PDE1A: variants seen among roughly 807,000 people sequenced by gnomAD.
PDE1A encodes dual specificity calcium/calmodulin-dependent 3',5'-cyclic nucleotide phosphodiesterase 1A.
In PDE1A, 35 loss-of-function variants were observed where a neutral mutation model predicts 61.7. The ratio of observed to expected loss-of-function variants is 0.57; its 90% CI spans 0.43 to 0.75. PDE1A has a LOEUF of 0.75. Among genes scored for constraint, PDE1A ranks in the 30% least tolerant of loss-of-function variants. The probability of loss-of-function intolerance (pLI) is 0.00; values close to 1 mark genes in which losing one functional copy is unlikely to be tolerated. For missense variants in PDE1A, 597 were observed against 630.6 expected (o/e 0.95, Z 0.57); for synonymous variants, 232 against 213.2 (o/e 1.09, Z -0.77).
chr2:182,701,440 G>C, the PDE1A span, among the ~76,000 whole-genome samples: 3 of 147,732 alleles, frequency 2.0e-5, no homozygotes, highest in Non-Finnish European at 4.5e-5. Flanking sequence ...GAGTGCAGTG[G>C]TGCCATCTCA....
intron 2 of PDE1A, among the ~76,000 whole-genome samples, chr2:182,519,203 T>A (rs1690403105): frequency 6.6e-6 from 1 of 152,084 alleles, no homozygotes; most frequent in African/African-American, 2.4e-5. Flanking sequence ...AATCAGAAAT[T>A]TCATTTGGTG....
chr2:182,254,879 A>G (rs760823234), intron 2 of PDE1A, among the ~76,000 whole-genome samples: 1 of 152,194 alleles, frequency 6.6e-6, no homozygotes, highest in Non-Finnish European at 1.5e-5. Flanking sequence ...ACTTAAATAG[A>G]GTTGACCACC....
At chr2:182,461,314 T>C (rs958161824) in intron 2 of PDE1A, among the ~76,000 whole-genome samples, 2 of 152,128 alleles carry the variant, frequency 1.3e-5, no homozygotes, top group Non-Finnish European at 2.9e-5. Context: ...TTGAATACTG[T>C]CAACTAAATT....
At chr2:182,221,853 G>A (rs1214898349) in intron 7 of PDE1A, among the ~76,000 whole-genome samples, 6 of 151,936 alleles carry the variant, frequency 3.9e-5, no homozygotes, top group African/African-American at 9.7e-5. Flanking sequence ...ATATAGACAG[G>A]TCACTCTACC....
chr2:182,476,014 C>T (rs1266590255), intron 2 of PDE1A, among the ~76,000 whole-genome samples: 3 of 151,726 alleles, frequency 2.0e-5, no homozygotes, highest in Non-Finnish European at 4.4e-5. Flanking sequence ...TAAATTTTTT[C>T]TCCAAAAGAA....
chr2:182,144,262 C>G (rs564469113), downstream of PDE1A, among the ~76,000 whole-genome samples: 1 of 152,094 alleles, frequency 6.6e-6, no homozygotes, highest in African/African-American at 2.4e-5. Context: ...TTTGGAAATG[C>G]CAGAAATTCC....
chr2:182,187,291 T>C, intron 11 of PDE1A, among the ~76,000 whole-genome samples: 1 of 152,188 alleles, frequency 6.6e-6, no homozygotes, highest in Non-Finnish European at 1.5e-5. Context: ...CTCATCAAGA[T>C]AGAAAATGAC....
At chr2:182,255,654 CTTTT>C (rs1342789385) in intron 2 of PDE1A, among the ~76,000 whole-genome samples, 1 of 143,862 alleles carries the variant, frequency 7.0e-6, no homozygotes. Flanking sequence ...TTCTTTCTTT[CTTTT>C]CTTTTTTTTT....
intron 1 of PDE1A, among the ~76,000 whole-genome samples, chr2:182,327,771 C>T (rs995602639): frequency 3.3e-5 from 5 of 152,138 alleles, no homozygotes. Context: ...GCAGACAACA[C>T]ATTAGGACTT....
At chr2:182,691,074 G>A in the PDE1A span, among the ~76,000 whole-genome samples, 7 of 152,186 alleles carry the variant, frequency 4.6e-5, no homozygotes, top group African/African-American at 7.2e-5. Context: ...TGGGTAGGAA[G>A]ACTCAATATT....
chr2:182,394,399 C>G (rs1228324884), intron 1 of PDE1A, among the ~76,000 whole-genome samples: 1 of 152,112 alleles, frequency 6.6e-6, no homozygotes, highest in Admixed American at 6.5e-5. Context: ...GAAATTCCCA[C>G]CCCCATGATT....
At chr2:182,498,929 C>T (rs904251315) in intron 2 of PDE1A, among the ~76,000 whole-genome samples, 3 of 151,614 alleles carry the variant, frequency 2.0e-5, no homozygotes, top group Non-Finnish European at 4.4e-5. Context: ...GGCGACAGAG[C>T]GAGACTCCAT....
chr2:182,507,152 G>T (rs1350735985), intron 2 of PDE1A, among the ~76,000 whole-genome samples: 1 of 151,668 alleles, frequency 6.6e-6, no homozygotes, highest in African/African-American at 2.4e-5. Flanking sequence ...TTAGTTCAAA[G>T]AAATAAATGA....
chr2:182,527,468 G>A (rs1437904212), upstream of PDE1A, among the ~76,000 whole-genome samples: 1 of 148,672 alleles, frequency 6.7e-6, no homozygotes, highest in African/African-American at 2.5e-5. Flanking sequence ...TGAGGTGGGA[G>A]GATCACTTGA....
chr2:182,442,304 A>C lies in PDE1A; in HGVS notation c.101+79972T>G, dbSNP rs186007121. ...ATTGGCCTGTACTCTAAAAATGTCA[A>C]GGTCAAAAAACACAAGGAAAGGTTG... On this transcript the variant is annotated intron_variant, in intron 2 of 14. Transcript: ENST00000410103. 3.9e-4 allele frequency among the ~76,000 whole-genome samples: 60 copies of C among 152,196 alleles called. No homozygotes were observed. In the East Asian group the frequency reaches 0.01, roughly 26 times the overall value.
chr2:182,490,707 G>C (rs1688328401), intron 2 of PDE1A, among the ~76,000 whole-genome samples: 1 of 152,084 alleles, frequency 6.6e-6, no homozygotes, highest in South Asian at 2.1e-4. Context: ...AAATATTATG[G>C]TACACTTATA....
At chr2:182,184,537 ATTGT>A (rs1161942897) in intron 13 of PDE1A, among the ~76,000 whole-genome samples, 1 of 152,206 alleles carries the variant, frequency 6.6e-6, no homozygotes, top group Non-Finnish European at 1.5e-5. Context: ...AGAAAATCTA[ATTGT>A]TTGTCAGTAT....
intron 1 of PDE1A, among the ~76,000 whole-genome samples, chr2:182,341,268 A>G (rs1698165931): frequency 6.6e-6 from 1 of 152,210 alleles, no homozygotes; most frequent in South Asian, 2.1e-4. Flanking sequence ...ACCAAGAAGT[A>G]GCCAATCTGG....
At chr2:182,582,275 G>C in the PDE1A span, among the ~76,000 whole-genome samples, 1 of 152,120 alleles carries the variant, frequency 6.6e-6, no homozygotes, top group Non-Finnish European at 1.5e-5. Context: ...TGAAAATGTG[G>C]ACATCTTCTC....
Sources: gnomAD v4.1 joint callset for allele counts (sites outside exome capture counted in the v4.1 genomes callset) on GRCh38, gnomAD v4.1.1 for gene constraint, MANE v1.5 for transcripts, NCBI Gene and HGNC (gene_info 2026-07-23, HGNC 2026-07-21) for gene names.